ACAD9: variants seen among roughly 807,000 people sequenced by gnomAD.
ACAD9 encodes complex I assembly factor ACAD9, mitochondrial.
In ACAD9, 53 loss-of-function variants were observed where a neutral mutation model predicts 70.2. That is an observed-to-expected ratio of 0.75 (90% CI 0.61 to 0.95). The LOEUF (loss-of-function observed/expected upper bound fraction) is 0.95. Ranked by LOEUF, ACAD9 falls within the 40% of genes least tolerant of loss-of-function variation. ACAD9 has a pLI of 0.00. For synonymous variants in ACAD9, 313 were observed against 312.1 expected (o/e 1.00, Z -0.03); for missense variants, 777 against 802.8 (o/e 0.97, Z 0.39).
In ACAD9 at chr3:128,906,159, G is replaced by C. The variant is rs1384074639; in HGVS notation, c.1188G>C (p.Glu396Asp). ...SSEAAWQCVSEALQILGGLGY... is the reference protein window; with the variant it reads ...SSEAAWQCVSDALQILGGLGY... ...AGGCCGCCTGGCAGTGTGTGAGTGAGGCGCTGCAGATCCTCGGGGGCTTGG... is the reference window on the plus strand; with the variant it reads ...AGGCCGCCTGGCAGTGTGTGAGTGACGCGCTGCAGATCCTCGGGGGCTTGG... Residue 396 changes from glutamate (E) to aspartate (D), a missense_variant, in exon 12 of 18, where the codon GAG (glutamate) becomes GAC (aspartate). Coordinates refer to ENST00000308982, the MANE Select transcript of ACAD9 (RefSeq NM_014049.5). 6.2e-7 allele frequency: 1 copy of C among 1,614,096 alleles called. No individual in the cohort carries two copies. Among genetic ancestry groups the C allele is most frequent in the Non-Finnish European group, 8.5e-7 (1 of 1,180,056 alleles).
intron 16 of ACAD9, 31 bp downstream of exon 16, chr3:128,910,180 G>A: frequency 6.2e-7 from 1 of 1,613,624 alleles, no homozygotes. Flanking sequence ...CACAGGGCCT[G>A]GCTGCTGCCA....
chr3:128,890,636 A>C (rs1935392894), intron 2 of ACAD9, among the ~76,000 whole-genome samples: 1 of 151,620 alleles, frequency 6.6e-6, no homozygotes, highest in African/African-American at 2.4e-5. Context: ...CGGGAGGCGG[A>C]GCTTGCAGTG....
Position 128,902,415 on chromosome 3 carries a change from C to A in ACAD9, c.883-138C>A, listed in dbSNP as rs1935767935. On this transcript the variant is annotated intron_variant, in intron 8 of 17. Coordinates refer to ENST00000308982, the MANE Select transcript of ACAD9 (RefSeq NM_014049.5). This position sits in a 1 kb window ranked among gnomAD's most constrained non-coding sequence, Gnocchi z 4.0. The stretch of plus-strand genomic sequence containing the variant: ...GGTAGAGCTGCAACAGTGACTGAAC[C>A]ACCTTGTTCTGAGGCATTAGGATGG... The A allele has an allele frequency of 1.3e-6, 1 of 786,992 alleles. No homozygotes were observed. The highest frequency in any genetic ancestry group is 1.7e-5 in the African/African-American group (1 of 59,216). 48.8% of individuals were successfully genotyped at this position (786,992 alleles called of 1,614,324 possible).
rs745539489 is a variant in ACAD9 at position 128,909,334 on chromosome 3, T to C, written c.1486-10T>C. ...TGAGGTGCTGAACTGAGTCCTGTCT[T>C]GGTTAATAGGACAGTGCCAACAAGT... On this transcript the variant is annotated splice_polypyrimidine_tract_variant and intron_variant, in intron 14 of 17. Transcript: ENST00000308982. The C allele has an allele frequency of 6.8e-6, 11 of 1,613,964 alleles. No homozygotes were observed. The African/African-American group carries it at 1.5e-4, about 22-fold the overall frequency.
At chr3:128,904,879 TCA>T (rs1176865753) in intron 11 of ACAD9, among the ~76,000 whole-genome samples, 1 of 152,180 alleles carries the variant, frequency 6.6e-6, no homozygotes, top group Non-Finnish European at 1.5e-5. Flanking sequence ...GCGCGGTGGC[TCA>T]CACCTGTAAT....
intron 17 of ACAD9, among the ~76,000 whole-genome samples, chr3:128,911,217 C>T (rs141633386): frequency 0.018 from 2,764 of 152,142 alleles, 87 homozygotes; most frequent in African/African-American, 0.063. Context: ...CCACCACGCC[C>T]GGCTAATTTT....
intron 1 of ACAD9, 74 bp from the exon 2 acceptor site, chr3:128,884,579 C>A: frequency 1.8e-6 from 2 of 1,116,606 alleles, no homozygotes; most frequent in Non-Finnish European, 2.7e-6. Flanking sequence ...GTTTTTCCTT[C>A]CCTTTTAACT....
At position 128,902,755 on chromosome 3, in the gene ACAD9, A is replaced by C; in HGVS notation, c.958+127A>C. ...TGAACCAGGCTACCAGCCTGAGCTC[A>C]GTCCCTGGGCTTTTGTGGAGACCAG... On this transcript the variant is annotated intron_variant, in intron 9 of 17. Coordinates refer to ENST00000308982, the MANE Select transcript of ACAD9 (RefSeq NM_014049.5). The surrounding 1 kb of genome is among the most constrained non-coding windows in gnomAD (Gnocchi z 4.0). 2.8e-6 allele frequency: 3 copies of C among 1,087,880 alleles called. No homozygotes were observed. Among genetic ancestry groups the C allele is most frequent in the Non-Finnish European group, 4.1e-6 (3 of 726,660 alleles). 67.4% of individuals were successfully genotyped at this position (1,087,880 alleles called of 1,614,324 possible).
At chr3:128,885,609 G>T (rs1326981608) in intron 2 of ACAD9, among the ~76,000 whole-genome samples, 1 of 152,152 alleles carries the variant, frequency 6.6e-6, no homozygotes, top group Non-Finnish European at 1.5e-5. Context: ...GCCCAGGCTG[G>T]TCTCTACTCC....
chr3:128,910,630 C>T (rs1200821530), intron 16 of ACAD9, 111 bp from the exon 17 acceptor site: 24 of 1,167,086 alleles, frequency 2.1e-5, no homozygotes, highest in Non-Finnish European at 3.0e-5. Flanking sequence ...CTGTGCCAGG[C>T]CTTGTGACCC....
chr3:128,908,395 G>A (rs1356498356), intron 13 of ACAD9, 131 bp downstream of exon 13: 3 of 1,130,790 alleles, frequency 2.7e-6, no homozygotes, highest in African/African-American at 1.5e-5. Flanking sequence ...GCCTTGTGGA[G>A]GGGACCTTCC....
rs1553731035 is a variant in ACAD9, at chr3:128,899,523, G to GTGTGTGTGT, written c.808+62_808+63insTGTGTGTGT. 102 of 1,068,848 alleles carry GTGTGTGTGT rather than the reference G, an allele frequency of 9.5e-5. No homozygotes were observed. The African/African-American group carries it at 1.6e-3, about 17-fold the overall frequency. The allele number at this position is 1,068,848 out of a possible 1,614,324, so 66.2% of individuals were successfully genotyped here. ...TGTAAGGGGGAGACTGGCCTTTGACGGTGTGTGTGTGTGTGTGTGTGTGTG... is the reference window on the plus strand; with the variant it reads ...TGTAAGGGGGAGACTGGCCTTTGACGTGTGTGTGTGTGTGTGTGTGTGTGTGTGTGTGTG... On this transcript the variant is annotated intron_variant, in intron 7 of 17. Transcript: ENST00000308982.
intron 2 of ACAD9, among the ~76,000 whole-genome samples, chr3:128,886,401 A>G (rs1245124584): frequency 6.6e-6 from 1 of 150,486 alleles, no homozygotes; most frequent in Non-Finnish European, 1.5e-5. Context: ...GCGCCAGCTA[A>G]TGAAAAATAT....
At chr3:128,910,335 TGA>T (rs1936133396) in intron 16 of ACAD9, 186 bp downstream of exon 16, 10 of 1,474,752 alleles carry the variant, frequency 6.8e-6, no homozygotes, top group South Asian at 1.4e-5. Context: ...TCTTCCTGAC[TGA>T]GAGAAGAGGG....
At chr3:128,908,394 A>AG (rs1227215816) in intron 13 of ACAD9, 130 bp downstream of exon 13, 3 of 1,136,416 alleles carry the variant, frequency 2.6e-6, no homozygotes, top group Admixed American at 3.6e-5. Context: ...AGCCTTGTGG[A>AG]GGGGACCTTC....
chr3:128,899,041 GT>G (rs1394851951), intron 6 of ACAD9, among the ~76,000 whole-genome samples: 1 of 152,152 alleles, frequency 6.6e-6, no homozygotes, highest in Non-Finnish European at 1.5e-5. Flanking sequence ...ACAACTTTGG[GT>G]GTTCTTTCCC....
chr3:128,882,702 G>T (rs1382353083), intron 1 of ACAD9, among the ~76,000 whole-genome samples: 2 of 152,180 alleles, frequency 1.3e-5, no homozygotes, highest in African/African-American at 4.8e-5. Context: ...AGTCAGAGCC[G>T]CCTGCTTCTG....
At chr3:128,899,491 G>A in intron 7 of ACAD9, 30 bp downstream of exon 7, 1 of 1,609,490 alleles carries the variant, frequency 6.2e-7, no homozygotes, top group Non-Finnish European at 8.5e-7. Context: ...GCGTGCGCGT[G>A]TGTGTGTGTA....
At chr3:128,892,351 C>G (rs762963578) in intron 2 of ACAD9, among the ~76,000 whole-genome samples, 1 of 152,114 alleles carries the variant, frequency 6.6e-6, no homozygotes, top group African/African-American at 2.4e-5. Flanking sequence ...CTGTAGTTCT[C>G]TTAGTGACCC....
Sources: allele counts gnomAD v4.1 joint callset (sites outside exome capture counted in the v4.1 genomes callset), GRCh38; gene constraint gnomAD v4.1.1; non-coding constraint Gnocchi (gnomAD v3.1); transcripts MANE v1.5; gene names NCBI Gene and HGNC (gene_info 2026-07-23, HGNC 2026-07-21).